Variants in THRB observed in about 807,000 individuals in gnomAD.
The protein encoded by THRB is thyroid hormone receptor beta.
Under a neutral mutation model 47.8 loss-of-function variants are expected in THRB, and 12 were observed. The observed-to-expected ratio is 0.25, with a 90% CI of 0.16 to 0.41. The LOEUF (loss-of-function observed/expected upper bound fraction) is 0.41. Among genes scored for constraint, THRB ranks in the 10% least tolerant of loss-of-function variants. The probability of loss-of-function intolerance (pLI) is 1.00; values close to 1 mark genes in which losing one functional copy is unlikely to be tolerated. For missense variants in THRB, 348 were observed against 589.2 expected (o/e 0.59, Z 4.24); for synonymous variants, 218 against 212.2 (o/e 1.03, Z -0.24).
intron 1 of THRB, among the ~76,000 whole-genome samples, chr3:24,486,802 C>G (rs1320215393): frequency 6.6e-6 from 1 of 152,018 alleles, no homozygotes; most frequent in African/African-American, 2.4e-5. Flanking sequence ...TCCCTTGGTT[C>G]CTTTTTTTTT....
At chr3:24,491,188 T>C (rs1011389727) in intron 1 of THRB, among the ~76,000 whole-genome samples, 2 of 152,132 alleles carry the variant, frequency 1.3e-5, no homozygotes, top group African/African-American at 4.8e-5. Context: ...GCACTTAGGA[T>C]TGTAGTTTAA....
intron 3 of THRB, among the ~76,000 whole-genome samples, chr3:24,245,600 C>A (rs1187361061): frequency 6.6e-6 from 1 of 152,148 alleles, no homozygotes; most frequent in Non-Finnish European, 1.5e-5. Flanking sequence ...CCAATTTTCT[C>A]TGTCAAGATC....
chr3:24,286,698 T>C (rs2055338406), intron 3 of THRB, among the ~76,000 whole-genome samples: 1 of 152,212 alleles, frequency 6.6e-6, no homozygotes, highest in Non-Finnish European at 1.5e-5. Context: ...CAAAGCCCAG[T>C]AACCATAGTA....
intron 3 of THRB, among the ~76,000 whole-genome samples, chr3:24,275,261 T>TA (rs1187573623): frequency 1.3e-5 from 2 of 152,150 alleles, no homozygotes; most frequent in East Asian, 1.9e-4. Flanking sequence ...ATAAAAGTTT[T>TA]AAAAAAATGC....
At chr3:24,343,167 A>G (rs1448004655) in intron 1 of THRB, among the ~76,000 whole-genome samples, 1 of 152,156 alleles carries the variant, frequency 6.6e-6, no homozygotes, top group African/African-American at 2.4e-5. Flanking sequence ...TTAAGTGTAG[A>G]CCTCAGGGAA....
Position 24,489,189 on chromosome 3 carries a change from C to A in THRB, c.-261+5463G>T, listed in dbSNP as rs564211892. Among the ~76,000 whole-genome samples, 4 of 152,014 alleles carry A rather than the reference C, an allele frequency of 2.6e-5. No individual in the cohort carries two copies. In the East Asian group the frequency reaches 7.7e-4, roughly 29 times the overall value. On this transcript the variant is annotated intron_variant, in intron 1 of 10. Coordinates refer to ENST00000646209, the MANE Select transcript of THRB (RefSeq NM_001354712.2). Reference sequence around the variant, plus strand: ...CCTAGGAGGTGGAGGTTGCAGTGAGCCGAGGTTGCACCACTGTACTCCAGC... The same window carrying A: ...CCTAGGAGGTGGAGGTTGCAGTGAGACGAGGTTGCACCACTGTACTCCAGC...
At chr3:24,213,674 T>C (rs182393232) in intron 4 of THRB, among the ~76,000 whole-genome samples, 1 of 152,156 alleles carries the variant, frequency 6.6e-6, no homozygotes, top group African/African-American at 2.4e-5. Flanking sequence ...TGCACAAACA[T>C]TCTAAAGGGA....
chr3:24,196,270 C>T (rs970076481), intron 4 of THRB, among the ~76,000 whole-genome samples: 1 of 151,960 alleles, frequency 6.6e-6, no homozygotes, highest in African/African-American at 2.4e-5. Flanking sequence ...GTCCAGAAGC[C>T]ATTTGAAGGA....
intron 1 of THRB, among the ~76,000 whole-genome samples, chr3:24,456,878 T>C (rs1326864264): frequency 6.6e-6 from 1 of 152,090 alleles, no homozygotes; most frequent in Non-Finnish European, 1.5e-5. Context: ...GGTGGTGAAC[T>C]GTGATTCTAT....
chr3:24,388,695 G>A (rs994284330), intron 1 of THRB, among the ~76,000 whole-genome samples: 8 of 152,048 alleles, frequency 5.3e-5, no homozygotes, highest in African/African-American at 1.9e-4. Context: ...GTCCCTACTG[G>A]CACCCTTCAT....
chr3:24,135,848 A>ATATATATATATATAT (rs1559422669), intron 8 of THRB, among the ~76,000 whole-genome samples: 3 of 43,580 alleles, frequency 6.9e-5, no homozygotes, highest in African/African-American at 1.4e-4. Context: ...TATATATATA[A>ATATATATATATATAT]TACATAAATA....
chr3:24,465,471 C>A (rs62228849), intron 1 of THRB, among the ~76,000 whole-genome samples: 1 of 152,084 alleles, frequency 6.6e-6, no homozygotes, highest in Non-Finnish European at 1.5e-5. Context: ...GGCATTATCT[C>A]GGCTCACTGC....
At chr3:24,462,247 C>A (rs2073773645) in intron 1 of THRB, among the ~76,000 whole-genome samples, 1 of 152,138 alleles carries the variant, frequency 6.6e-6, no homozygotes, top group Admixed American at 6.5e-5. Flanking sequence ...AAGACACAGG[C>A]ACCTTTAAGG....
In THRB at chr3:24,228,980, T is replaced by C; in HGVS notation, c.-21A>G. On this transcript the variant is annotated 5_prime_UTR_variant, in exon 4 of 11. Coordinates refer to ENST00000646209, the MANE Select transcript of THRB (RefSeq NM_001354712.2). Reference sequence around the variant, plus strand: ...GTCATAGGTTAGTAATCATTCTGGATCCCTTTTTTCACTGACATCTCCTAC... The same window carrying C: ...GTCATAGGTTAGTAATCATTCTGGACCCCTTTTTTCACTGACATCTCCTAC... 1 of 1,607,400 alleles carries C rather than the reference T, an allele frequency of 6.2e-7. No individual in the cohort carries two copies. The highest frequency in any genetic ancestry group is 8.5e-7 in the Non-Finnish European group (1 of 1,176,214).
At chr3:24,182,791 C>T (rs1251986275) in intron 5 of THRB, among the ~76,000 whole-genome samples, 3 of 152,204 alleles carry the variant, frequency 2.0e-5, no homozygotes, top group Non-Finnish European at 4.4e-5. Flanking sequence ...AATATGACCT[C>T]GGACTGTATA....
intron 1 of THRB, among the ~76,000 whole-genome samples, chr3:24,477,269 A>G (rs1476199302): frequency 6.6e-6 from 1 of 152,218 alleles, no homozygotes; most frequent in Non-Finnish European, 1.5e-5. Context: ...GTAAGTCTGT[A>G]AAACAATAAA....
chr3:24,441,829 C>A (rs1416832841), intron 1 of THRB, among the ~76,000 whole-genome samples: 1 of 152,120 alleles, frequency 6.6e-6, no homozygotes, highest in Non-Finnish European at 1.5e-5. Context: ...TCACTCTAGT[C>A]TCCCCATCCA....
intron 1 of THRB, among the ~76,000 whole-genome samples, chr3:24,481,638 C>A (rs1470389242): frequency 6.6e-6 from 1 of 151,866 alleles, no homozygotes; most frequent in Non-Finnish European, 1.5e-5. Context: ...TACCTGTGGA[C>A]AAAGGGGTGA....
chr3:24,346,927 A>G (rs530916119), intron 1 of THRB, among the ~76,000 whole-genome samples: 4 of 151,792 alleles, frequency 2.6e-5, no homozygotes, highest in African/African-American at 9.7e-5. Context: ...CATTTGACCT[A>G]ATTGATTTAT....
Sources: allele counts gnomAD v4.1 joint callset (sites outside exome capture counted in the v4.1 genomes callset), GRCh38; gene constraint gnomAD v4.1.1; transcripts MANE v1.5; gene names NCBI Gene and HGNC (gene_info 2026-07-23, HGNC 2026-07-21).